CEMIP2: variants seen among roughly 807,000 people sequenced by gnomAD.
The protein encoded by CEMIP2 is cell migration inducing hyaluronidase 2.
In CEMIP2, 79 loss-of-function variants were observed where a neutral mutation model predicts 146.9. The observed-to-expected ratio is 0.54, with a 90% confidence interval of 0.45 to 0.65. The LOEUF (loss-of-function observed/expected upper bound fraction) is 0.65. Ranked by LOEUF, CEMIP2 falls within the 30% of genes least tolerant of loss-of-function variation. CEMIP2 has a pLI of 0.00. For synonymous variants in CEMIP2, 601 were observed against 606.3 expected (o/e 0.99, Z 0.13); for missense variants, 1,596 against 1,696.2 (o/e 0.94, Z 1.04).
chr9:71,748,032 AC>A (rs747434433), intron 2 of CEMIP2, among the ~76,000 whole-genome samples: 23 of 152,280 alleles, frequency 1.5e-4, no homozygotes, highest in Non-Finnish European at 3.1e-4. Flanking sequence ...GGATTCCTTA[AC>A]TTTTCTACCT....
intron 10 of CEMIP2, among the ~76,000 whole-genome samples, chr9:71,726,912 G>C (rs961759507): frequency 9.9e-5 from 15 of 152,164 alleles, no homozygotes; most frequent in African/African-American, 3.6e-4. Context: ...AATGGAGATG[G>C]AGATGGGAGT....
At position 71,740,057 on chromosome 9, in the gene CEMIP2, G is replaced by A. The variant is rs375942095; in HGVS notation, c.1204+6C>T. ...TCTTACAAGAGTATAAACTCTACTT[G>A]CCTACCTTCAATCCATTCACTATAA... On this transcript the variant is annotated splice_donor_region_variant and intron_variant, in intron 5 of 23. Coordinates refer to ENST00000377044, the MANE Select transcript of CEMIP2 (RefSeq NM_013390.3). 2 of 1,612,124 alleles carry A rather than the reference G, an allele frequency of 1.2e-6. No individual in the cohort carries two copies. Among genetic ancestry groups the A allele is most frequent in the East Asian group, 2.2e-5 (1 of 44,878 alleles).
Position 71,745,057 on chromosome 9 carries a change from T to C in CEMIP2, c.995A>G (p.Glu332Gly), listed in dbSNP as rs748683639. The C allele has an allele frequency of 2.5e-6, 4 of 1,614,128 alleles. No individual in the cohort carries two copies. The South Asian group carries it at 4.4e-5, about 18-fold the overall frequency. Residue 332 changes from glutamate to glycine, a missense_variant, in exon 4 of 24, where the codon GAA becomes GGA. Coordinates refer to ENST00000377044, the MANE Select transcript of CEMIP2 (RefSeq NM_013390.3). ...TTGGATCAGTTCACTTCCCAACCGT[T>C]CCTGGATCATCTGGATGGTTCCTTG... ...LLQGTIQMIQERLGSELIQGL... is the reference protein window; with the variant it reads ...LLQGTIQMIQGRLGSELIQGL...
intron 10 of CEMIP2, among the ~76,000 whole-genome samples, chr9:71,729,454 C>A (rs894669615): frequency 1.3e-5 from 2 of 151,862 alleles, no homozygotes; most frequent in Non-Finnish European, 2.9e-5. Flanking sequence ...CCCGTCTCTA[C>A]TAAAAATACA....
chr9:71,717,731 C>T (rs1057472997), intron 13 of CEMIP2, among the ~76,000 whole-genome samples: 3 of 152,056 alleles, frequency 2.0e-5, no homozygotes, highest in East Asian at 1.9e-4. Context: ...CTCATGTCAC[C>T]GGATAAGTTC....
In CEMIP2 at chr9:71,745,196, C is replaced by A; in HGVS notation, c.856G>T (p.Asp286Tyr). 1 of 1,614,098 alleles carries A rather than the reference C, an allele frequency of 6.2e-7. No individual in the cohort carries two copies. The highest frequency in any genetic ancestry group is 8.5e-7 in the Non-Finnish European group (1 of 1,180,016). Reference protein sequence around the residue: ...TAKILESERFDTHEYRNESRR... With the variant: ...TAKILESERFYTHEYRNESRR... Reference sequence around the variant, plus strand: ...CTCTCATTGCGGTATTCATGGGTATCAAATCTCTCACTTTCCAAAATTTTG... The same window carrying A: ...CTCTCATTGCGGTATTCATGGGTATAAAATCTCTCACTTTCCAAAATTTTG... Residue 286 changes from aspartate (D) to tyrosine (Y), a missense_variant, in exon 4 of 24, where the codon GAT becomes TAT. Transcript: ENST00000377044.
rs2131890442 is a variant in CEMIP2, at chr9:71,704,754, C to T, written c.3035G>A (p.Arg1012Gln). 3.7e-6 allele frequency: 6 copies of T among 1,614,046 alleles called. No individual in the cohort carries two copies. Among genetic ancestry groups the T allele is most frequent in the African/African-American group, 1.3e-5 (1 of 74,996 alleles). ...CATAGGGTTGGACGGATACTCATCT[C>T]GTGTAATGGTCATAGAAAGATTCTG... ...STQNLSMTIT[R>Q]DEYPSNPMVL... The change falls in exon 18 of 24, where the codon CGA becomes CAA. Residue 1012 changes from arginine to glutamine, a missense_variant. Arg to Gln is a conservative substitution (Grantham distance 43). Transcript: ENST00000377044.
intron 10 of CEMIP2, among the ~76,000 whole-genome samples, chr9:71,728,918 A>G (rs1432799099): frequency 6.6e-6 from 1 of 150,914 alleles, no homozygotes; most frequent in Admixed American, 6.6e-5. Context: ...AGCAGCCTCC[A>G]CCTCCTGGGC....
chr9:71,759,072 C>G (rs1465731638), intron 1 of CEMIP2, among the ~76,000 whole-genome samples: 4 of 152,098 alleles, frequency 2.6e-5, no homozygotes, highest in African/African-American at 9.7e-5. Context: ...GGTCAATGTT[C>G]AGAGGTAGAA....
chr9:71,729,639 A>G (rs1286149451), intron 10 of CEMIP2, among the ~76,000 whole-genome samples: 1 of 151,844 alleles, frequency 6.6e-6, no homozygotes, highest in African/African-American at 2.4e-5. Context: ...AAAAAATTAC[A>G]AAAAAGATAC....
chr9:71,739,259 T>C (rs1823846229), intron 5 of CEMIP2, among the ~76,000 whole-genome samples: 2 of 148,896 alleles, frequency 1.3e-5, no homozygotes, highest in Non-Finnish European at 3.0e-5. Context: ...TACCAGCTAT[T>C]TGGGAGGCTG....
At chr9:71,747,469 T>C (rs937356430) in intron 2 of CEMIP2, among the ~76,000 whole-genome samples, 39 of 152,316 alleles carry the variant, frequency 2.6e-4, no homozygotes, top group Middle Eastern at 6.8e-3. Context: ...GGATGGGCAG[T>C]ATTTAAATAA....
rs914936744 is a variant in CEMIP2, at chr9:71,685,475, C to T, written c.3956-82G>A. 9 of 1,363,962 alleles carry T rather than the reference C, an allele frequency of 6.6e-6. No homozygotes were observed. The East Asian group carries it at 1.6e-4, about 24-fold the overall frequency. The allele number at this position is 1,363,962 out of a possible 1,614,324, so 84.5% of individuals were successfully genotyped here. A position where few individuals can be genotyped will look rare whatever the true frequency, so the allele number is the denominator to read the frequency against. On this transcript the variant is annotated intron_variant, in intron 23 of 23. Coordinates refer to ENST00000377044, the MANE Select transcript of CEMIP2 (RefSeq NM_013390.3). ...CAGCAAGAGAATATAGGAGGTGAGT[C>T]GGAGGTGAGCAAAACAAAGGCAGCT...
chr9:71,741,045 G>A (rs1471604649), intron 4 of CEMIP2, among the ~76,000 whole-genome samples: 13 of 152,154 alleles, frequency 8.5e-5, no homozygotes, highest in Non-Finnish European at 1.5e-5. Flanking sequence ...GGTTAGAGTA[G>A]TGATCATCAA....
chr9:71,762,930 C>T (rs1253964790), intron 1 of CEMIP2, among the ~76,000 whole-genome samples: 1 of 152,098 alleles, frequency 6.6e-6, no homozygotes, highest in Admixed American at 6.6e-5. Flanking sequence ...GGAAAGATAG[C>T]TTGAGCCCAG....
chr9:71,709,492 G>A lies in CEMIP2; in HGVS notation c.2770-18C>T, dbSNP rs1278414139. The stretch of plus-strand genomic sequence containing the variant: ...AGAGAGACCTGACCACAGTGAAAAA[G>A]AAAGACATCACAAAGTGAGGGCTCC... On this transcript the variant is annotated intron_variant, in intron 16 of 23. Transcript: ENST00000377044. 1 of 1,610,240 alleles carries A rather than the reference G, an allele frequency of 6.2e-7. No individual in the cohort carries two copies. The highest frequency in any genetic ancestry group is 8.5e-7 in the Non-Finnish European group (1 of 1,176,828).
rs1233199284 is a variant in CEMIP2, at chr9:71,683,644, CA to C, written c.*1552del. The C allele has an allele frequency of 7.2e-6, 1 of 138,124 alleles. No homozygotes were observed. The highest frequency in any genetic ancestry group is 1.6e-5 in the Non-Finnish European group (1 of 63,678). 8.6% of individuals were successfully genotyped at this position (138,124 alleles called of 1,614,324 possible). On this transcript the variant is annotated 3_prime_UTR_variant, in exon 24 of 24. Coordinates refer to ENST00000377044, the MANE Select transcript of CEMIP2 (RefSeq NM_013390.3). ...CAAAAAAAAAAAACAAACCAGAAAACAAAAAACTAACTTTGATTAAGACATG... is the reference window on the plus strand; with the variant it reads ...CAAAAAAAAAAAACAAACCAGAAAACAAAAACTAACTTTGATTAAGACATG...
chr9:71,738,249 A>T (rs764917496), intron 5 of CEMIP2, among the ~76,000 whole-genome samples: 1 of 152,220 alleles, frequency 6.6e-6, no homozygotes, highest in Non-Finnish European at 1.5e-5. Context: ...TAATGCAACC[A>T]TGCCTGTCAT....
chr9:71,754,821 T>A (rs1824374096), intron 1 of CEMIP2, among the ~76,000 whole-genome samples: 1 of 152,062 alleles, frequency 6.6e-6, no homozygotes, highest in Admixed American at 6.6e-5. Context: ...CACAGGCAAT[T>A]TAGGCAGTAT....
Sources: allele counts gnomAD v4.1 joint callset (sites outside exome capture counted in the v4.1 genomes callset), GRCh38; gene constraint gnomAD v4.1.1; transcripts MANE v1.5; gene names NCBI Gene and HGNC (gene_info 2026-07-23, HGNC 2026-07-21).